ZNF345: variants seen among roughly 807,000 people sequenced by gnomAD.
The protein encoded by ZNF345 is zinc finger protein 345.
For missense variants in ZNF345, 527 were observed against 589.9 expected (o/e 0.89, Z 1.10); for synonymous variants, 166 against 187.9 (o/e 0.88, Z 0.95).
chr19:36,856,224 A>G (rs1210611642), intron 2 of ZNF345, among the ~76,000 whole-genome samples: 1 of 152,122 alleles, frequency 6.6e-6, no homozygotes, highest in African/African-American at 2.4e-5. Flanking sequence ...TTTGCTCCCT[A>G]CCTACATTGT....
intron 2 of ZNF345, among the ~76,000 whole-genome samples, chr19:36,857,691 T>C (rs903243968): frequency 4.6e-5 from 7 of 152,256 alleles, no homozygotes; most frequent in Admixed American, 3.9e-4. Flanking sequence ...TCTGCTTTTC[T>C]AACTGCCAGT....
At chr19:36,867,088 T>C (rs888903307) in intron 2 of ZNF345, among the ~76,000 whole-genome samples, 1 of 152,174 alleles carries the variant, frequency 6.6e-6, no homozygotes, top group Non-Finnish European at 1.5e-5. Context: ...TCTTTCAAAG[T>C]GGTTGTATGA....
rs368287177 is a variant in ZNF345, at chr19:36,892,207, C to T, written c.47-611C>T. ...CTGATGTCGAGTAACGAGTGAGCCA[C>T]GACTAAAGGACTTCCCATACTCCTT... On this transcript the variant is annotated intron_variant, in intron 3 of 3. Transcript: ENST00000526123. 5.8e-5 allele frequency: 94 copies of T among 1,613,996 alleles called. No homozygotes were observed. The highest frequency in any genetic ancestry group is 7.1e-5 in the Non-Finnish European group (84 of 1,180,026).
intron 2 of ZNF345, among the ~76,000 whole-genome samples, chr19:36,855,788 C>G (rs2146126802): frequency 6.6e-6 from 1 of 152,300 alleles, no homozygotes; most frequent in Non-Finnish European, 1.5e-5. Context: ...TCTTCCCGAC[C>G]TATCACCTCC....
At chr19:36,872,429 T>C (rs1377993578) in intron 2 of ZNF345, 5 of 152,276 alleles carry the variant, frequency 3.3e-5, no homozygotes, top group South Asian at 2.1e-4. Context: ...TGGGGGGCAG[T>C]GGGTGAGTGA....
At chr19:36,859,355 C>T (rs544019918) in intron 2 of ZNF345, among the ~76,000 whole-genome samples, 68 of 151,934 alleles carry the variant, frequency 4.5e-4, no homozygotes, top group Non-Finnish European at 8.7e-4. Flanking sequence ...GGGGTTTTGC[C>T]GTGTTGGCCA....
chr19:36,865,073 G>A (rs1324237664), intron 2 of ZNF345, among the ~76,000 whole-genome samples: 2 of 152,156 alleles, frequency 1.3e-5, no homozygotes, highest in African/African-American at 4.8e-5. Context: ...GACTGAGGAA[G>A]CCTGGTAAAG....
chr19:36,873,430 T>C (rs2072810357), intron 2 of ZNF345, among the ~76,000 whole-genome samples: 1 of 152,228 alleles, frequency 6.6e-6, no homozygotes, highest in East Asian at 1.9e-4. Context: ...AAATGGTGAC[T>C]GTAGTCAAGC....
chr19:36,891,528 A>G, intron 3 of ZNF345: 1 of 1,595,044 alleles, frequency 6.3e-7, no homozygotes, highest in Non-Finnish European at 8.5e-7. Context: ...GAATGAGGTC[A>G]GAGCGACTAC....
rs2072935014 is a variant in ZNF345 at position 36,878,317 on chromosome 19, G to C, written c.*20G>C. On this transcript the variant is annotated 3_prime_UTR_variant, in exon 3 of 3. Coordinates refer to ENST00000420450, the MANE Select transcript of ZNF345 (RefSeq NM_001242472.2). ...AATTGAAATTATGTGCTGAAGGAAG[G>C]ACTCTAAACATATGACTTAAGAAAA... The C allele has an allele frequency of 3.3e-6, 5 of 1,531,428 alleles. No individual in the cohort carries two copies. Among genetic ancestry groups the C allele is most frequent in the Non-Finnish European group, 4.4e-6 (5 of 1,144,238 alleles). 94.9% of individuals were successfully genotyped at this position (1,531,428 alleles called of 1,614,324 possible). A position where few individuals can be genotyped will look rare whatever the true frequency, so the allele number is the denominator to read the frequency against.
downstream of ZNF345, among the ~76,000 whole-genome samples, chr19:36,880,714 G>C (rs2072962862): frequency 6.6e-6 from 1 of 152,258 alleles, no homozygotes; most frequent in South Asian, 2.1e-4. Flanking sequence ...GGAATTCAAG[G>C]CCTCAGTGCA....
chr19:36,851,748 A>G (rs959102512), intron 1 of ZNF345, 82 bp from the exon 2 acceptor site: 1 of 152,258 alleles, frequency 6.6e-6, no homozygotes, highest in East Asian at 1.9e-4. Context: ...GTAGGGGCTG[A>G]GCAAAGATAA....
At position 36,879,360 on chromosome 19, in the gene ZNF345, C is replaced by A. The variant is rs1397431404; in HGVS notation, c.*1063C>A. The A allele has an allele frequency of 1.2e-5, 2 of 167,034 alleles. No individual in the cohort carries two copies. Among genetic ancestry groups the A allele is most frequent in the African/African-American group, 4.8e-5 (2 of 41,428 alleles). 10.3% of individuals were successfully genotyped at this position (167,034 alleles called of 1,614,324 possible). On this transcript the variant is annotated 3_prime_UTR_variant, in exon 3 of 3. Coordinates refer to ENST00000420450, the MANE Select transcript of ZNF345 (RefSeq NM_001242472.2). ...TATGGTTACCTGTAATCTTACCAAT[C>A]ATAGATAATCACTGTCAAACTTTTG... is the stretch of plus-strand genomic sequence containing the variant.
chr19:36,864,684 T>C (rs2072622319), intron 2 of ZNF345, among the ~76,000 whole-genome samples: 1 of 152,032 alleles, frequency 6.6e-6, no homozygotes, highest in Non-Finnish European at 1.5e-5. Flanking sequence ...GGGACTAAGA[T>C]GAGGCAAGTG....
intron 2 of ZNF345, among the ~76,000 whole-genome samples, chr19:36,870,541 T>G (rs1004596078): frequency 6.6e-6 from 1 of 152,226 alleles, no homozygotes; most frequent in African/African-American, 2.4e-5. Flanking sequence ...TGAGAAAGGA[T>G]GAATGAGAAT....
At chr19:36,887,483 A>C (rs1363077963) in intron 3 of ZNF345, among the ~76,000 whole-genome samples, 4 of 152,176 alleles carry the variant, frequency 2.6e-5, no homozygotes, top group Non-Finnish European at 5.9e-5. Context: ...TTGCTTTTAT[A>C]ATTATTCTGT....
At position 36,862,273 on chromosome 19, in the gene ZNF345, A is replaced by G. The variant is rs189425309; in HGVS notation, c.-47+10369A>G. On this transcript the variant is annotated intron_variant, in intron 2 of 2. Coordinates refer to ENST00000420450, the MANE Select transcript of ZNF345 (RefSeq NM_001242472.2). ...TGCTTTTGTTATTCATTTGAAATAC[A>G]TTTAAGTTTGTTAGTTCCTACCGTT... is the stretch of plus-strand genomic sequence containing the variant. 1.4e-4 allele frequency among the ~76,000 whole-genome samples: 21 copies of G among 152,166 alleles called. No individual in the cohort carries two copies. In the East Asian group the frequency reaches 4.1e-3, roughly 29 times the overall value.
At chr19:36,876,727 C>A in intron 2 of ZNF345, 58 bp from the exon 3 acceptor site, 1 of 1,163,856 alleles carries the variant, frequency 8.6e-7, no homozygotes, top group Non-Finnish European at 1.2e-6. Context: ...CTATTATAAA[C>A]GTTTAATCTC....
chr19:36,891,240 T>C (rs1194136719), intron 3 of ZNF345: 9 of 395,922 alleles, frequency 2.3e-5, no homozygotes, highest in Admixed American at 4.1e-5. Context: ...ATAGAACAGA[T>C]CCTCAGAGTC....
Sources: gnomAD v4.1 joint callset for allele counts (sites outside exome capture counted in the v4.1 genomes callset) on GRCh38, gnomAD v4.1.1 for gene constraint, MANE v1.5 for transcripts, NCBI Gene and HGNC (gene_info 2026-07-23, HGNC 2026-07-21) for gene names.